Variants in CACNA1A observed in about 807,000 individuals in gnomAD.
CACNA1A encodes the protein calcium voltage-gated channel subunit alpha1 A, also known as voltage-dependent P/Q-type calcium channel subunit alpha-1A.
A neutral mutation model predicts 262.4 loss-of-function variants in CACNA1A; 57 were observed. That is an observed-to-expected ratio of 0.22 (90% CI 0.18 to 0.27). The LOEUF (loss-of-function observed/expected upper bound fraction) is 0.27. CACNA1A is among the 10% of genes least tolerant of loss of function. The pLI, the probability that CACNA1A is intolerant of heterozygous loss-of-function variation, is 1.00. For synonymous variants in CACNA1A, 1,431 were observed against 1,419.3 expected, an observed-to-expected ratio of 1.01 and a Z score of -0.18; for missense variants, 2,526 against 3,562.8, an observed-to-expected ratio of 0.71 and a Z score of 7.41.
At chr19:13,305,026 G>T (rs2057872969) in intron 15 of CACNA1A, among the ~76,000 whole-genome samples, 1 of 152,236 alleles carries the variant, frequency 6.6e-6, no homozygotes, top group South Asian at 2.1e-4. Context: ...GCCTGAGGCA[G>T]ACCCTGGAAC....
At chr19:13,334,851 A>G (rs967647106) in intron 7 of CACNA1A, among the ~76,000 whole-genome samples, 1 of 151,934 alleles carries the variant, frequency 6.6e-6, no homozygotes, top group African/African-American at 2.4e-5. Flanking sequence ...CCTGGACAAC[A>G]CAGTGGGCCC....
At chr19:13,478,569 G>A (rs991400851) in intron 1 of CACNA1A, among the ~76,000 whole-genome samples, 8 of 151,988 alleles carry the variant, frequency 5.3e-5, no homozygotes, top group East Asian at 1.9e-4. Context: ...CTCCTACCTC[G>A]GCTTCCCAAA....
At position 13,240,650 on chromosome 19, in the gene CACNA1A, CTGTG is replaced by C. The variant is rs1235969949; in HGVS notation, c.4950+4528_4950+4531del. Among the ~76,000 whole-genome samples, 15 of 147,672 alleles carry C rather than the reference CTGTG, an allele frequency of 1.0e-4. 1 individual carries two copies. In the South Asian group the frequency reaches 1.5e-3, roughly 15 times the overall value. On this transcript the variant is annotated intron_variant, in intron 31 of 46. Transcript: ENST00000360228. ...TGTGTGTGCAGTGTCTGCGCAGTGACTGTGTGTGTGGATAGTGACTGTGTGTGCA... is the reference window on the plus strand; with the variant it reads ...TGTGTGTGCAGTGTCTGCGCAGTGACTGTGTGGATAGTGACTGTGTGTGCA...
chr19:13,352,141 G>A (rs1428635992), intron 6 of CACNA1A, among the ~76,000 whole-genome samples: 1 of 152,098 alleles, frequency 6.6e-6, no homozygotes, highest in Non-Finnish European at 1.5e-5. Context: ...AGCAAGACAA[G>A]TTTAATTGGC....
At chr19:13,386,368 T>C (rs1318873812) in intron 3 of CACNA1A, among the ~76,000 whole-genome samples, 1 of 152,170 alleles carries the variant, frequency 6.6e-6, no homozygotes, top group Non-Finnish European at 1.5e-5. Context: ...TGCTGGGTGC[T>C]TCTGGAAAAG....
chr19:13,231,164 T>G (rs972063195), intron 35 of CACNA1A, among the ~76,000 whole-genome samples: 6 of 147,940 alleles, frequency 4.1e-5, no homozygotes, highest in African/African-American at 1.5e-4. Flanking sequence ...GCACCACGTG[T>G]GCAGCTAATT....
intron 3 of CACNA1A, among the ~76,000 whole-genome samples, chr19:13,372,401 A>AC (rs771791158): frequency 1.3e-5 from 2 of 151,920 alleles, no homozygotes; most frequent in Non-Finnish European, 2.9e-5. Flanking sequence ...TGAACTCCTG[A>AC]CCTCAGGTGA....
At chr19:13,299,576 C>T (rs1226272606) in intron 18 of CACNA1A, among the ~76,000 whole-genome samples, 1 of 152,188 alleles carries the variant, frequency 6.6e-6, no homozygotes, top group African/African-American at 2.4e-5. Flanking sequence ...CCCAAGTCCT[C>T]CCCCCTGACC....
At chr19:13,234,381 C>CA (rs1243438430) in intron 34 of CACNA1A, among the ~76,000 whole-genome samples, 5 of 149,436 alleles carry the variant, frequency 3.3e-5, no homozygotes, top group Non-Finnish European at 7.4e-5. Flanking sequence ...AAAAAGCCCC[C>CA]CCAAAAAACC....
chr19:13,339,861 C>CA (rs766475699), intron 6 of CACNA1A, among the ~76,000 whole-genome samples: 6 of 151,858 alleles, frequency 4.0e-5, no homozygotes, highest in Non-Finnish European at 7.4e-5. Flanking sequence ...ATGAATGTGC[C>CA]AGCCACCAGC....
chr19:13,390,042 T>C (rs2059685252), intron 3 of CACNA1A, among the ~76,000 whole-genome samples: 1 of 151,938 alleles, frequency 6.6e-6, no homozygotes, highest in Non-Finnish European at 1.5e-5. Context: ...CTCGATCTCC[T>C]GACCTCACAA....
chr19:13,339,264 A>C (rs574349900), intron 6 of CACNA1A, among the ~76,000 whole-genome samples: 54 of 152,290 alleles, frequency 3.5e-4, no homozygotes, highest in African/African-American at 1.2e-3. Context: ...TATGTGAAAT[A>C]AACCAGTCAT....
intron 3 of CACNA1A, among the ~76,000 whole-genome samples, chr19:13,377,794 T>C (rs1247268348): frequency 6.6e-6 from 1 of 152,138 alleles, no homozygotes; most frequent in African/African-American, 2.4e-5. Context: ...CAAAGGAAAT[T>C]GAAAACTTTC....
chr19:13,502,492 A>G (rs2145177922), intron 1 of CACNA1A, among the ~76,000 whole-genome samples: 1 of 152,292 alleles, frequency 6.6e-6, no homozygotes, highest in East Asian at 1.9e-4. Context: ...GAAGGCTGAC[A>G]GATGCTCCTT....
At chr19:13,284,824 A>G (rs1238550362) in intron 21 of CACNA1A, among the ~76,000 whole-genome samples, 2 of 152,194 alleles carry the variant, frequency 1.3e-5, no homozygotes, top group Non-Finnish European at 2.9e-5. Context: ...AAATTTGTTT[A>G]TTTATTGTCA....
At chr19:13,368,461 T>G (rs1437566791) in intron 4 of CACNA1A, among the ~76,000 whole-genome samples, 1 of 151,504 alleles carries the variant, frequency 6.6e-6, no homozygotes, top group African/African-American at 2.4e-5. Flanking sequence ...GCCTCCCGAG[T>G]AGGTGGGACT....
At chr19:13,444,728 G>C (rs530234985) in intron 3 of CACNA1A, among the ~76,000 whole-genome samples, 1 of 152,244 alleles carries the variant, frequency 6.6e-6, no homozygotes, top group Non-Finnish European at 1.5e-5. Flanking sequence ...TCCATGACTT[G>C]AAGACACCTT....
chr19:13,362,177 T>TAC (rs1009173346), intron 5 of CACNA1A: 4 of 152,104 alleles, frequency 2.6e-5, no homozygotes, highest in African/African-American at 9.7e-5. Flanking sequence ...TATAGGCATG[T>TAC]ACCACCACTC....
chr19:13,396,405 T>A (rs968137106), intron 3 of CACNA1A, among the ~76,000 whole-genome samples: 1 of 152,200 alleles, frequency 6.6e-6, no homozygotes, highest in African/African-American at 2.4e-5. Context: ...TGTGCTGTTT[T>A]CTCTCTTCTC....
Sources: allele counts gnomAD v4.1 joint callset (sites outside exome capture counted in the v4.1 genomes callset), GRCh38; gene constraint gnomAD v4.1.1; transcripts MANE v1.5; gene names NCBI Gene and HGNC (gene_info 2026-07-23, HGNC 2026-07-21).